STARD13: variants seen among roughly 807,000 people sequenced by gnomAD.
The protein encoded by STARD13 is stAR-related lipid transfer protein 13.
STARD13 carries 62 observed loss-of-function variants against 106.4 expected under a neutral mutation model. The observed-to-expected ratio is 0.58, with a 90% CI of 0.48 to 0.72. The LOEUF (loss-of-function observed/expected upper bound fraction) is 0.72, where lower values mean the gene tolerates loss of function less well. STARD13 is among the 30% of genes least tolerant of loss of function. The pLI is 0.00. For missense variants in STARD13, 1,387 were observed against 1,424.0 expected, an observed-to-expected ratio of 0.97 and a Z score of 0.42; for synonymous variants, 565 against 553.0, an observed-to-expected ratio of 1.02 and a Z score of -0.31.
intron 1 of STARD13, among the ~76,000 whole-genome samples, chr13:33,173,078 A>G (rs1884153556): frequency 1.3e-5 from 2 of 152,218 alleles, no homozygotes; most frequent in Non-Finnish European, 2.9e-5. Context: ...CTAAAAGACT[A>G]CGGGTACCAG....
At chr13:33,343,700 T>C (rs1019282440), downstream of STARD13, among the ~76,000 whole-genome samples, 1 of 151,800 alleles carries the variant, frequency 6.6e-6, no homozygotes, top group Non-Finnish European at 1.5e-5. Flanking sequence ...TCTCTCCATT[T>C]CTATCACTAT....
rs986701058 is a variant in STARD13 at position 33,165,888 on chromosome 13, C to T, written c.242-470G>A. Among the ~76,000 whole-genome samples the T allele has an allele frequency of 2.6e-5, 4 of 152,176 alleles. No homozygotes were observed. The East Asian group carries it at 7.7e-4, about 29-fold the overall frequency. ...TTTTTTAGTAGCAAAATCTTTATCA[C>T]TCTGGAGTATCAGCAAAATACTCAA... is the stretch of plus-strand genomic sequence containing the variant. On this transcript the variant is annotated intron_variant, in intron 2 of 13. Coordinates refer to ENST00000336934, the MANE Select transcript of STARD13 (RefSeq NM_178006.4).
intron 1 of STARD13, among the ~76,000 whole-genome samples, chr13:33,301,694 A>C (rs1451709933): frequency 6.6e-6 from 1 of 150,704 alleles, no homozygotes; most frequent in Non-Finnish European, 1.5e-5. Flanking sequence ...CAGCCTCCTG[A>C]GTAGCTGGGA....
the STARD13 span, among the ~76,000 whole-genome samples, chr13:33,358,284 C>A: frequency 6.6e-6 from 1 of 152,220 alleles, no homozygotes; most frequent in East Asian, 1.9e-4. Context: ...GGCTCCTGTG[C>A]AGCCCGAGCC....
chr13:33,401,465 C>T, the STARD13 span, among the ~76,000 whole-genome samples: 11 of 152,156 alleles, frequency 7.2e-5, 1 homozygote, highest in South Asian at 1.7e-3. Context: ...TATCAAGTGC[C>T]GCAGGCTTCC....
chr13:33,633,730 C>T, the STARD13 span, among the ~76,000 whole-genome samples: 3 of 152,150 alleles, frequency 2.0e-5, no homozygotes, highest in African/African-American at 7.2e-5. Flanking sequence ...ATGTGAAAGG[C>T]AATTGCAGAA....
At chr13:33,200,611 C>A (rs1440141191) in intron 1 of STARD13, among the ~76,000 whole-genome samples, 1 of 152,224 alleles carries the variant, frequency 6.6e-6, no homozygotes, top group East Asian at 1.9e-4. Context: ...TGTTTCTATT[C>A]ACTTTGGAAG....
chr13:33,466,335 TCAAATA>T, the STARD13 span, among the ~76,000 whole-genome samples: 1 of 152,182 alleles, frequency 6.6e-6, no homozygotes, highest in African/African-American at 2.4e-5. Context: ...CTTGAAACAT[TCAAATA>T]CAGACAAAAC....
intron 1 of STARD13, chr13:33,281,440 G>GTGTA (rs1891778787): frequency 1.3e-5 from 2 of 151,128 alleles, no homozygotes; most frequent in South Asian, 4.2e-4. Context: ...GTGTGTGTGT[G>GTGTA]TATGTAGACT....
chr13:33,335,642 T>C (rs569494730), intron 1 of STARD13, among the ~76,000 whole-genome samples: 7 of 152,332 alleles, frequency 4.6e-5, no homozygotes, highest in African/African-American at 1.7e-4. Context: ...AGTCAACACG[T>C]ACCATTATGT....
chr13:33,635,098 G>A, the STARD13 span, among the ~76,000 whole-genome samples: 1 of 152,316 alleles, frequency 6.6e-6, no homozygotes, highest in South Asian at 2.1e-4. Context: ...GATCGCTTAC[G>A]AAGTAAAGCC....
chr13:33,503,901 T>C, the STARD13 span, among the ~76,000 whole-genome samples: 1 of 151,996 alleles, frequency 6.6e-6, no homozygotes, highest in Non-Finnish European at 1.5e-5. Flanking sequence ...TTAAACAAAT[T>C]TACAAGAAAA....
chr13:33,338,525 G>A (rs1301933825), intron 1 of STARD13, among the ~76,000 whole-genome samples: 1 of 151,992 alleles, frequency 6.6e-6, no homozygotes, highest in Non-Finnish European at 1.5e-5. Context: ...AACACTAATG[G>A]ATCGATACGA....
rs2138619535 is a variant in STARD13, at chr13:33,349,058, C to T, written c.*91G>A. Reference sequence around the variant, plus strand: ...GGCAGAACACCTAGCAAACCACTTGCTTTACAGTTCAAGTAAGGAAAAAAG... The same window carrying T: ...GGCAGAACACCTAGCAAACCACTTGTTTTACAGTTCAAGTAAGGAAAAAAG... On this transcript the variant is annotated 3_prime_UTR_variant, in exon 2 of 2. Coordinates refer to the STARD13 transcript ENST00000439831. The T allele has an allele frequency of 3.2e-5, 22 of 697,310 alleles. No homozygotes were observed. In the South Asian group the frequency reaches 3.2e-4, roughly 10 times the overall value. The allele number at this position is 697,310 out of a possible 1,614,324, so 43.2% of individuals were successfully genotyped here.
chr13:33,440,545 T>G, the STARD13 span, among the ~76,000 whole-genome samples: 1 of 151,688 alleles, frequency 6.6e-6, no homozygotes, highest in South Asian at 2.1e-4. Flanking sequence ...TTCCGTATCA[T>G]TTTCTTGGTG....
chr13:33,110,297 A>G (rs1566529339), intron 11 of STARD13, among the ~76,000 whole-genome samples: 1 of 152,240 alleles, frequency 6.6e-6, no homozygotes, highest in African/African-American at 2.4e-5. Flanking sequence ...TAAAAATAAT[A>G]ATCACCAACA....
intron 1 of STARD13, among the ~76,000 whole-genome samples, chr13:33,186,842 A>G (rs1885811518): frequency 6.6e-6 from 1 of 152,314 alleles, no homozygotes; most frequent in African/African-American, 2.4e-5. Context: ...AATGGCTTCT[A>G]TTAGCACAAT....
At chr13:33,549,605 C>T in the STARD13 span, among the ~76,000 whole-genome samples, 4 of 152,336 alleles carry the variant, frequency 2.6e-5, no homozygotes, top group Non-Finnish European at 5.9e-5. Flanking sequence ...ACATCATCTT[C>T]ATCATCACTA....
chr13:33,423,326 A>G, the STARD13 span, among the ~76,000 whole-genome samples: 1 of 152,388 alleles, frequency 6.6e-6, no homozygotes, highest in African/African-American at 2.4e-5. Context: ...TTATGCAGCC[A>G]ACAGACACAT....
Sources: gnomAD v4.1 joint callset for allele counts (sites outside exome capture counted in the v4.1 genomes callset) on GRCh38, gnomAD v4.1.1 for gene constraint, MANE v1.5 for transcripts, NCBI Gene and HGNC (gene_info 2026-07-23, HGNC 2026-07-21) for gene names.